Variants in ZFPM2 observed in about 807,000 individuals in gnomAD.
ZFPM2 encodes zinc finger protein, FOG family member 2.
In ZFPM2, 20 loss-of-function variants were observed where a neutral mutation model predicts 98.6. The observed-to-expected ratio is 0.20, with a 90% CI of 0.14 to 0.29. The LOEUF (loss-of-function observed/expected upper bound fraction) is 0.29. Ranked by LOEUF, ZFPM2 falls within the 10% of genes least tolerant of loss-of-function variation. ZFPM2 has a pLI of 1.00. For synonymous variants in ZFPM2, 518 were observed against 502.7 expected, an observed-to-expected ratio of 1.03 and a Z score of -0.41; for missense variants, 1,310 against 1,388.6, an observed-to-expected ratio of 0.94 and a Z score of 0.90.
rs150739552 is a variant in ZFPM2, at chr8:105,689,305, T to G, written c.532+54948T>G. Among the ~76,000 whole-genome samples the G allele has an allele frequency of 3.8e-3, 582 of 152,334 alleles. 3 individuals are homozygous for G. Among genetic ancestry groups the G allele is most frequent in the African/African-American group, 0.013 (551 of 41,584 alleles). On this transcript the variant is annotated intron_variant, in intron 5 of 7. Transcript: ENST00000407775. ...ATAATTGTTAGAGTTGAAAAGGAAC[T>G]GAGACTTCAGTACCTTTTTATTGCA...
intron 6 of ZFPM2, among the ~76,000 whole-genome samples, chr8:105,794,365 TAGC>T (rs1291994773): frequency 6.6e-6 from 1 of 152,220 alleles, no homozygotes; most frequent in Admixed American, 6.5e-5. Context: ...TTTGCCTAGG[TAGC>T]AGCAGCGGTG....
intron 5 of ZFPM2, among the ~76,000 whole-genome samples, chr8:105,710,547 T>G (rs143472284): frequency 3.9e-5 from 6 of 152,228 alleles, no homozygotes; most frequent in African/African-American, 1.4e-4. Context: ...TTGAGAGATA[T>G]GCAATGAGAA....
At chr8:105,464,332 A>G (rs1260254329) in intron 3 of ZFPM2, among the ~76,000 whole-genome samples, 1 of 152,090 alleles carries the variant, frequency 6.6e-6, no homozygotes, top group Non-Finnish European at 1.5e-5. Flanking sequence ...TATGCTTATC[A>G]TTATTTTAAT....
intron 1 of ZFPM2, among the ~76,000 whole-genome samples, chr8:105,366,397 A>C (rs2129787850): frequency 6.6e-6 from 1 of 152,292 alleles, no homozygotes; most frequent in Non-Finnish European, 1.5e-5. Context: ...TAACAAATGA[A>C]GTTAATTCTT....
At chr8:105,466,599 G>GT (rs1171316004) in intron 3 of ZFPM2, among the ~76,000 whole-genome samples, 1 of 151,940 alleles carries the variant, frequency 6.6e-6, no homozygotes, top group African/African-American at 2.4e-5. Context: ...TACCACAGAG[G>GT]TTTAACAATA....
At chr8:105,579,542 G>A (rs188132274) in intron 4 of ZFPM2, among the ~76,000 whole-genome samples, 3 of 152,240 alleles carry the variant, frequency 2.0e-5, no homozygotes, top group Non-Finnish European at 4.4e-5. Flanking sequence ...GTGTGCCTCA[G>A]GGAGTAAGTT....
At chr8:105,714,445 G>A (rs1249640329) in intron 5 of ZFPM2, among the ~76,000 whole-genome samples, 4 of 151,684 alleles carry the variant, frequency 2.6e-5, no homozygotes, top group Non-Finnish European at 5.9e-5. Context: ...ATCTTTTTTG[G>A]ATCACTTTTA....
chr8:105,529,263 T>C (rs1013541967), intron 3 of ZFPM2, among the ~76,000 whole-genome samples: 2 of 152,118 alleles, frequency 1.3e-5, no homozygotes, highest in Admixed American at 6.6e-5. Flanking sequence ...TGATTTTACC[T>C]TGATTACCTT....
chr8:105,674,340 T>C (rs1325749256), intron 5 of ZFPM2, among the ~76,000 whole-genome samples: 2 of 152,196 alleles, frequency 1.3e-5, no homozygotes, highest in Non-Finnish European at 2.9e-5. Context: ...GCAAGACACA[T>C]TGACTGGGAA....
At chr8:105,602,068 G>C (rs1462851092) in intron 4 of ZFPM2, among the ~76,000 whole-genome samples, 1 of 151,966 alleles carries the variant, frequency 6.6e-6, no homozygotes, top group Non-Finnish European at 1.5e-5. Flanking sequence ...CTTTGAACTT[G>C]ATAGCTCATA....
In ZFPM2 at chr8:105,423,985, A is replaced by G. The variant is rs530157612; in HGVS notation, c.199+4683A>G. 1.4e-3 allele frequency among the ~76,000 whole-genome samples: 207 copies of G among 152,282 alleles called. 1 individual carries two copies. The highest frequency in any genetic ancestry group is 2.6e-3 in the Non-Finnish European group (177 of 68,018). ...CTGGTTGCTAGTAGAATGTAATGCT[A>G]TATAAAAAAAGATAACTCAGGTGAG... On this transcript the variant is annotated intron_variant, in intron 2 of 7. Coordinates refer to ENST00000407775, the MANE Select transcript of ZFPM2 (RefSeq NM_012082.4).
intron 3 of ZFPM2, among the ~76,000 whole-genome samples, chr8:105,473,646 A>G (rs1812952721): frequency 4.6e-5 from 7 of 152,218 alleles, no homozygotes; most frequent in African/African-American, 2.4e-5. Flanking sequence ...TATTTTAACA[A>G]TCTTTTATAT....
chr8:105,693,198 A>G (rs1421995146), intron 5 of ZFPM2, among the ~76,000 whole-genome samples: 3 of 152,246 alleles, frequency 2.0e-5, no homozygotes, highest in Non-Finnish European at 4.4e-5. Context: ...CCAGTCCTCC[A>G]TGGAGAGAAC....
At chr8:105,375,113 G>A (rs923112360) in intron 1 of ZFPM2, among the ~76,000 whole-genome samples, 3 of 152,054 alleles carry the variant, frequency 2.0e-5, no homozygotes, top group African/African-American at 7.2e-5. Context: ...TTGTCCAATG[G>A]ACCTAAATTT....
chr8:105,454,143 C>T (rs1270318233), intron 3 of ZFPM2, among the ~76,000 whole-genome samples: 6 of 151,950 alleles, frequency 3.9e-5, no homozygotes, highest in Admixed American at 2.0e-4. Context: ...AAAGTCTTTT[C>T]GAATGGAGAG....
intron 5 of ZFPM2, among the ~76,000 whole-genome samples, chr8:105,757,027 A>C (rs1812616696): frequency 6.6e-6 from 1 of 152,232 alleles, no homozygotes; most frequent in Admixed American, 6.5e-5. Flanking sequence ...ACAAAGTGAC[A>C]GAATTTTTCA....
At chr8:105,629,181 G>A (rs899418025) in intron 4 of ZFPM2, among the ~76,000 whole-genome samples, 2 of 152,202 alleles carry the variant, frequency 1.3e-5, no homozygotes, top group African/African-American at 4.8e-5. Context: ...CGGCTGACTG[G>A]TTCCAGTGCT....
chr8:105,378,741 A>T (rs901014000), intron 1 of ZFPM2, among the ~76,000 whole-genome samples: 24 of 152,122 alleles, frequency 1.6e-4, no homozygotes, highest in African/African-American at 5.6e-4. Context: ...AGGTTTAGAG[A>T]GGATGGTAGT....
intron 3 of ZFPM2, among the ~76,000 whole-genome samples, chr8:105,460,543 A>C (rs1812685053): frequency 6.6e-6 from 1 of 152,094 alleles, no homozygotes; most frequent in Admixed American, 6.6e-5. Flanking sequence ...CATCATATGG[A>C]GGGTGAAATG....
Sources: allele counts gnomAD v4.1 joint callset (sites outside exome capture counted in the v4.1 genomes callset), GRCh38; gene constraint gnomAD v4.1.1; transcripts MANE v1.5; gene names NCBI Gene and HGNC (gene_info 2026-07-23, HGNC 2026-07-21).